The following MAML3 variants were observed in gnomAD, a reference collection of about 807,000 sequenced individuals.
MAML3 encodes mastermind-like protein 3.
Under a neutral mutation model 101.9 loss-of-function variants are expected in MAML3, and 27 were observed. That is an observed-to-expected ratio of 0.27 (90% CI 0.20 to 0.37). The LOEUF is 0.37. Among genes scored for constraint, MAML3 ranks in the 10% least tolerant of loss-of-function variants. The probability of loss-of-function intolerance (pLI) is 1.00; values close to 1 mark genes in which losing one functional copy is unlikely to be tolerated. For synonymous variants in MAML3, 501 were observed against 555.9 expected (o/e 0.90, Z 1.39); for missense variants, 1,316 against 1,444.9 (o/e 0.91, Z 1.45).
chr4:139,729,780 A>T (rs1266814356), intron 3 of MAML3, among the ~76,000 whole-genome samples: 1 of 152,242 alleles, frequency 6.6e-6, no homozygotes, highest in African/African-American at 2.4e-5. Flanking sequence ...GAGGGTGGAC[A>T]AAGATGCTTA....
At chr4:139,821,795 T>C (rs886784537) in intron 2 of MAML3, among the ~76,000 whole-genome samples, 7 of 152,206 alleles carry the variant, frequency 4.6e-5, no homozygotes, top group African/African-American at 1.4e-4. Flanking sequence ...ATGTGGACAA[T>C]AGTGCCCATA....
intron 1 of MAML3, among the ~76,000 whole-genome samples, chr4:139,984,899 C>A (rs1734508873): frequency 1.3e-5 from 2 of 152,206 alleles, no homozygotes; most frequent in Admixed American, 1.3e-4. Context: ...TGATAAGTAA[C>A]TGAGCAGTAT....
At chr4:139,999,201 A>G (rs1734877163) in intron 1 of MAML3, among the ~76,000 whole-genome samples, 1 of 152,298 alleles carries the variant, frequency 6.6e-6, no homozygotes, top group South Asian at 2.1e-4. Context: ...CAACCTCAGG[A>G]AAATAGAGCC....
chr4:139,734,093 C>T lies in MAML3; in HGVS notation c.2080-3426G>A, dbSNP rs576065856. Reference sequence around the variant, plus strand: ...GTGGATGAGAGACACCTACAGCCCCCGACTCTGAGGTGTATTCCAAAGTGT... The same window carrying T: ...GTGGATGAGAGACACCTACAGCCCCTGACTCTGAGGTGTATTCCAAAGTGT... On this transcript the variant is annotated intron_variant, in intron 2 of 4. Coordinates refer to ENST00000509479, the MANE Select transcript of MAML3 (RefSeq NM_018717.5). 2.2e-4 allele frequency among the ~76,000 whole-genome samples: 33 copies of T among 152,314 alleles called. No individual in the cohort carries two copies. In the East Asian group the frequency reaches 4.0e-3, roughly 19 times the overall value.
intron 2 of MAML3, among the ~76,000 whole-genome samples, chr4:139,737,209 T>C (rs1728980395): frequency 6.6e-6 from 1 of 152,192 alleles, no homozygotes; most frequent in Admixed American, 6.5e-5. Flanking sequence ...TCCCTCTGAT[T>C]GAAAGAGTTC....
At chr4:139,806,588 A>T (rs1730703742) in intron 2 of MAML3, among the ~76,000 whole-genome samples, 1 of 151,514 alleles carries the variant, frequency 6.6e-6, no homozygotes, top group Non-Finnish European at 1.5e-5. Flanking sequence ...CCAACCCAGA[A>T]ATTGCTCTTT....
chr4:139,984,006 A>T (rs1226210397), intron 1 of MAML3, among the ~76,000 whole-genome samples: 1 of 152,224 alleles, frequency 6.6e-6, no homozygotes, highest in Non-Finnish European at 1.5e-5. Context: ...GGGTAGACAT[A>T]CAGATGCAAT....
intron 2 of MAML3, chr4:139,793,978 G>C (rs1238439118): frequency 6.6e-6 from 1 of 152,308 alleles, no homozygotes; most frequent in African/African-American, 2.4e-5. Flanking sequence ...ACAGTAGCCA[G>C]AACTCATTGT....
At chr4:140,095,007 C>T (rs1277794548) in intron 1 of MAML3, among the ~76,000 whole-genome samples, 5 of 152,190 alleles carry the variant, frequency 3.3e-5, no homozygotes, top group African/African-American at 4.8e-5. Context: ...ATCAGCAGGA[C>T]GGATCCAAGC....
chr4:140,019,930 C>G (rs543974161), intron 1 of MAML3, among the ~76,000 whole-genome samples: 20 of 152,090 alleles, frequency 1.3e-4, no homozygotes, highest in Non-Finnish European at 2.4e-4. Context: ...AAAGTTTGTC[C>G]TTATGTTTCC....
At chr4:139,780,321 T>C (rs1730175900) in intron 2 of MAML3, among the ~76,000 whole-genome samples, 1 of 152,166 alleles carries the variant, frequency 6.6e-6, no homozygotes, top group African/African-American at 2.4e-5. Flanking sequence ...ACCTTTGCGG[T>C]AAAGAAGAGA....
intron 1 of MAML3, among the ~76,000 whole-genome samples, chr4:139,923,413 C>T (rs1002372126): frequency 6.6e-6 from 1 of 152,210 alleles, no homozygotes; most frequent in African/African-American, 2.4e-5. Context: ...ATATATTATA[C>T]ATACACAATA....
At position 139,730,516 on chromosome 4, in the gene MAML3, A is replaced by C. The variant is rs544240010; in HGVS notation, c.2231T>G (p.Ile744Ser). Residue 744 changes from isoleucine (I) to serine (S), a missense_variant, in exon 3 of 5, where the codon ATT (isoleucine) becomes AGT (serine). Ile to Ser is a moderately radical substitution (Grantham distance 142). Transcript: ENST00000509479. ...CTCTATCAACTGGGCCCGCTGATCA[A>C]TGAGCATCTGCTTCATGATGGCTGC... ...PQAAIMKQML[I>S]DQRAQLIEQQ... 7.0e-6 allele frequency: 11 copies of C among 1,561,200 alleles called. No homozygotes were observed. The highest frequency in any genetic ancestry group is 9.5e-6 in the Non-Finnish European group (11 of 1,152,638).
chr4:139,978,635 G>A (rs1734389233), intron 1 of MAML3, among the ~76,000 whole-genome samples: 2 of 144,828 alleles, frequency 1.4e-5, no homozygotes, highest in Non-Finnish European at 3.0e-5. Context: ...GAGAGAGAGA[G>A]CACACAACTG....
intron 1 of MAML3, among the ~76,000 whole-genome samples, chr4:139,985,959 C>T (rs957607126): frequency 1.3e-5 from 2 of 152,370 alleles, no homozygotes; most frequent in East Asian, 1.9e-4. Flanking sequence ...GGCCATGCCT[C>T]GTCATTCTCT....
At chr4:140,106,494 A>G (rs1728353975) in intron 1 of MAML3, among the ~76,000 whole-genome samples, 2 of 152,226 alleles carry the variant, frequency 1.3e-5, no homozygotes, top group East Asian at 1.9e-4. Context: ...CGGAGAAGTG[A>G]CCATGAAAGT....
At chr4:140,114,158 C>T (rs796247095) in intron 1 of MAML3, among the ~76,000 whole-genome samples, 3 of 152,220 alleles carry the variant, frequency 2.0e-5, no homozygotes, top group Non-Finnish European at 4.4e-5. Context: ...TATGCCCCTT[C>T]CCTGCTCCCT....
chr4:139,915,518 C>T (rs1401914623), intron 1 of MAML3, among the ~76,000 whole-genome samples: 1 of 152,178 alleles, frequency 6.6e-6, no homozygotes, highest in Admixed American at 6.5e-5. Flanking sequence ...GTATTTAGTT[C>T]TGCTCTTAGT....
At chr4:140,054,889 A>G (rs1345749270) in intron 1 of MAML3, among the ~76,000 whole-genome samples, 3 of 152,256 alleles carry the variant, frequency 2.0e-5, no homozygotes, top group African/African-American at 7.2e-5. Flanking sequence ...GAATATTTTT[A>G]AAGTGTACTA....
Sources: allele counts gnomAD v4.1 joint callset (sites outside exome capture counted in the v4.1 genomes callset), GRCh38; gene constraint gnomAD v4.1.1; transcripts MANE v1.5; gene names NCBI Gene and HGNC (gene_info 2026-07-23, HGNC 2026-07-21).